PPARGC1B: variants seen among roughly 807,000 people sequenced by gnomAD.
PPARGC1B encodes peroxisome proliferator-activated receptor gamma coactivator 1-beta.
In PPARGC1B, 34 loss-of-function variants were observed where a neutral mutation model predicts 101.6. The observed-to-expected ratio is 0.33, with a 90% confidence interval of 0.25 to 0.45. PPARGC1B has a LOEUF of 0.45. PPARGC1B is among the 20% of genes least tolerant of loss of function. The probability of loss-of-function intolerance (pLI) is 1.00; values close to 1 mark genes in which losing one functional copy is unlikely to be tolerated. For missense variants in PPARGC1B, 1,234 were observed against 1,317.6 expected (o/e 0.94, Z 0.98); for synonymous variants, 548 against 539.3 (o/e 1.02, Z -0.22).
chr5:149,840,281 C>G (rs1180906142), intron 9 of PPARGC1B, among the ~76,000 whole-genome samples, 165 bp downstream of exon 9: 1 of 152,184 alleles, frequency 6.6e-6, no homozygotes, highest in East Asian at 1.9e-4. Flanking sequence ...TGATATTTCT[C>G]TCATTTGAAG....
chr5:149,733,858 C>T (rs1714124004), intron 1 of PPARGC1B, among the ~76,000 whole-genome samples: 1 of 152,132 alleles, frequency 6.6e-6, no homozygotes, highest in African/African-American at 2.4e-5. Flanking sequence ...TAGAAATCAT[C>T]AGTTCTAACA....
intron 1 of PPARGC1B, among the ~76,000 whole-genome samples, chr5:149,809,126 GATA>G (rs1757709692): frequency 7.6e-6 from 1 of 131,048 alleles, no homozygotes; most frequent in African/African-American, 3.0e-5. Flanking sequence ...TAGATAGATA[GATA>G]GATAGATAGA....
chr5:149,791,818 G>A (rs957013503), intron 1 of PPARGC1B, among the ~76,000 whole-genome samples: 1 of 152,180 alleles, frequency 6.6e-6, no homozygotes, highest in Non-Finnish European at 1.5e-5. Flanking sequence ...GACAGATTAA[G>A]ATAATGAGGG....
At chr5:149,818,761 A>G (rs908663945) in intron 1 of PPARGC1B, 20 of 451,536 alleles carry the variant, frequency 4.4e-5, no homozygotes, top group Non-Finnish European at 4.5e-6. Flanking sequence ...TATTATTATC[A>G]TTATTTGTTA....
chr5:149,793,583 A>G (rs1186280511), intron 1 of PPARGC1B, among the ~76,000 whole-genome samples: 1 of 152,174 alleles, frequency 6.6e-6, no homozygotes, highest in Non-Finnish European at 1.5e-5. Flanking sequence ...CATCATCATA[A>G]AGATCAGGCA....
intron 1 of PPARGC1B, among the ~76,000 whole-genome samples, chr5:149,758,587 A>G: frequency 6.6e-6 from 1 of 152,198 alleles, no homozygotes; most frequent in Non-Finnish European, 1.5e-5. Flanking sequence ...CTGTGTCATC[A>G]TGTGCCCCAG....
At chr5:149,818,773 A>G (rs1266439107) in intron 1 of PPARGC1B, 1 of 454,280 alleles carries the variant, frequency 2.2e-6, no homozygotes, top group East Asian at 7.0e-5. Context: ...TATTTGTTAT[A>G]TTACTCTTAG....
At chr5:149,830,030 CAAAAAAAAAAA>C (rs60711433) in intron 3 of PPARGC1B, among the ~76,000 whole-genome samples, 1,343 of 34,236 alleles carry the variant, frequency 0.039, 13 homozygotes, top group Non-Finnish European at 0.064. Context: ...GACTGCATCT[CAAAAAAAAAAA>C]AAAAAAAAAA....
intron 1 of PPARGC1B, among the ~76,000 whole-genome samples, chr5:149,751,700 T>C (rs1413603749): frequency 1.3e-5 from 2 of 149,600 alleles, no homozygotes; most frequent in African/African-American, 4.9e-5. Context: ...AGGAAGACTC[T>C]GTCCAAAAGA....
chr5:149,836,176 A>AC, intron 7 of PPARGC1B, 87 bp from the exon 8 acceptor site: 2 of 1,170,230 alleles, frequency 1.7e-6, no homozygotes, highest in Non-Finnish European at 2.4e-6. Context: ...GGTGTGAGCT[A>AC]CCAGGCTTGG....
At chr5:149,763,993 T>C (rs1168842104) in intron 1 of PPARGC1B, among the ~76,000 whole-genome samples, 1 of 152,150 alleles carries the variant, frequency 6.6e-6, no homozygotes, top group Non-Finnish European at 1.5e-5. Context: ...CCTGGGGCTT[T>C]TCCCCTTTAT....
chr5:149,783,305 A>AT (rs569486120), intron 1 of PPARGC1B, among the ~76,000 whole-genome samples: 8 of 152,178 alleles, frequency 5.3e-5, no homozygotes, highest in Non-Finnish European at 5.9e-5. Flanking sequence ...AGAGAGTAGC[A>AT]TATCAGAGTA....
downstream of PPARGC1B, among the ~76,000 whole-genome samples, chr5:149,857,229 G>A (rs1206181410): frequency 2.6e-5 from 4 of 152,316 alleles, no homozygotes; most frequent in South Asian, 2.1e-4. Flanking sequence ...AAATTAGATC[G>A]TGCACAGTAC....
At chr5:149,739,790 C>G (rs1754849136) in intron 1 of PPARGC1B, among the ~76,000 whole-genome samples, 1 of 152,166 alleles carries the variant, frequency 6.6e-6, no homozygotes, top group Non-Finnish European at 1.5e-5. Context: ...CCCAAAGGTC[C>G]TCCTTGCAGC....
intron 11 of PPARGC1B, chr5:149,846,822 C>T (rs1222617682): frequency 6.4e-6 from 1 of 156,244 alleles, no homozygotes; most frequent in East Asian, 1.9e-4. Context: ...TGCAGTTGCT[C>T]ACGCCTGTAA....
chr5:149,800,130 C>T (rs1757382889), intron 1 of PPARGC1B, among the ~76,000 whole-genome samples: 2 of 152,140 alleles, frequency 1.3e-5, no homozygotes, highest in Non-Finnish European at 1.5e-5. Flanking sequence ...CTCCTTATTC[C>T]TATTTCCTCC....
intron 3 of PPARGC1B, among the ~76,000 whole-genome samples, chr5:149,830,030 C>CAAAAAAAAAAAAA (rs60711433): frequency 1.5e-4 from 5 of 34,264 alleles, no homozygotes; most frequent in Admixed American, 4.8e-4. Flanking sequence ...GACTGCATCT[C>CAAAAAAAAAAAAA]AAAAAAAAAA....
chr5:149,731,218 G>C (rs1747263537), intron 1 of PPARGC1B, among the ~76,000 whole-genome samples: 1 of 152,212 alleles, frequency 6.6e-6, no homozygotes, highest in African/African-American at 2.4e-5. Flanking sequence ...CGTGACAGGA[G>C]AGGGTGCTCT....
chr5:149,741,924 C>G (rs1251496230), intron 1 of PPARGC1B, among the ~76,000 whole-genome samples: 4 of 152,182 alleles, frequency 2.6e-5, no homozygotes, highest in African/African-American at 9.7e-5. Context: ...GCCACCACGC[C>G]TGGCATAGCC....
Sources: allele counts gnomAD v4.1 joint callset (sites outside exome capture counted in the v4.1 genomes callset), GRCh38; gene constraint gnomAD v4.1.1; transcripts MANE v1.5; gene names NCBI Gene and HGNC (gene_info 2026-07-23, HGNC 2026-07-21).